SPOCK3: variants seen among roughly 807,000 people sequenced by gnomAD.
The protein encoded by SPOCK3 is testican-3.
A neutral mutation model predicts 56.6 loss-of-function variants in SPOCK3; 30 were observed. The observed-to-expected ratio is 0.53, with a 90% CI of 0.40 to 0.72. The LOEUF (loss-of-function observed/expected upper bound fraction) is 0.72. Among genes scored for constraint, SPOCK3 ranks in the 30% least tolerant of loss-of-function variants. The pLI is 0.00. For missense variants in SPOCK3, 527 were observed against 530.0 expected, an observed-to-expected ratio of 0.99 and a Z score of 0.06; for synonymous variants, 196 against 183.3, an observed-to-expected ratio of 1.07 and a Z score of -0.56.
chr4:167,130,487 T>C (rs1171169689), intron 2 of SPOCK3, among the ~76,000 whole-genome samples: 2 of 152,144 alleles, frequency 1.3e-5, no homozygotes, highest in African/African-American at 4.8e-5. Context: ...AAATTTCTGA[T>C]GGCTCATACT....
intron 4 of SPOCK3, among the ~76,000 whole-genome samples, chr4:166,966,493 C>G (rs892408120): frequency 6.6e-6 from 1 of 152,088 alleles, no homozygotes; most frequent in Non-Finnish European, 1.5e-5. Flanking sequence ...CTTCTGATTT[C>G]TTTATGCAGA....
At chr4:167,139,971 C>G (rs931677103) in intron 2 of SPOCK3, among the ~76,000 whole-genome samples, 2 of 151,810 alleles carry the variant, frequency 1.3e-5, no homozygotes, top group African/African-American at 4.8e-5. Flanking sequence ...TCTTACCCTC[C>G]TGGACATTAC....
At chr4:167,132,823 C>T (rs1410193768) in intron 2 of SPOCK3, among the ~76,000 whole-genome samples, 1 of 152,160 alleles carries the variant, frequency 6.6e-6, no homozygotes, top group Non-Finnish European at 1.5e-5. Context: ...GCATGTGTCT[C>T]ATCTGTGTGT....
At chr4:167,133,578 T>C (rs1182840988) in intron 2 of SPOCK3, among the ~76,000 whole-genome samples, 9 of 152,238 alleles carry the variant, frequency 5.9e-5, no homozygotes, top group Non-Finnish European at 4.4e-5. Context: ...GTCAGATAGA[T>C]AGCTGGGGCT....
chr4:167,116,160 A>G (rs1761308775), intron 2 of SPOCK3, among the ~76,000 whole-genome samples: 1 of 152,010 alleles, frequency 6.6e-6, no homozygotes, highest in East Asian at 1.9e-4. Flanking sequence ...TTTCACTCCT[A>G]TAAAAATACC....
At chr4:166,982,688 A>G (rs191243378) in intron 4 of SPOCK3, among the ~76,000 whole-genome samples, 41 of 152,356 alleles carry the variant, frequency 2.7e-4, no homozygotes, top group African/African-American at 9.1e-4. Context: ...GGATTTTTTT[A>G]TTATGTTTAT....
At chr4:166,884,199 A>G (rs1466101858) in intron 6 of SPOCK3, among the ~76,000 whole-genome samples, 2 of 152,020 alleles carry the variant, frequency 1.3e-5, no homozygotes, top group African/African-American at 4.8e-5. Flanking sequence ...TAAAAATACA[A>G]AAAATTAACC....
chr4:166,977,854 C>A (rs760059281), intron 4 of SPOCK3, among the ~76,000 whole-genome samples: 1 of 152,234 alleles, frequency 6.6e-6, no homozygotes, highest in Admixed American at 6.5e-5. Context: ...AGATTTGAAT[C>A]AGTATAGCAT....
At chr4:166,990,783 T>C (rs1215285978) in intron 4 of SPOCK3, among the ~76,000 whole-genome samples, 2 of 152,144 alleles carry the variant, frequency 1.3e-5, no homozygotes, top group African/African-American at 4.8e-5. Context: ...ATAGCAAGCA[T>C]CATCCCAATT....
chr4:166,979,480 CATCT>C (rs1199644385), intron 4 of SPOCK3, among the ~76,000 whole-genome samples: 3 of 152,158 alleles, frequency 2.0e-5, no homozygotes, highest in Admixed American at 2.0e-4. Context: ...TTCACTCCTC[CATCT>C]GTTTTGCTCT....
chr4:166,975,385 G>C (rs747226220), intron 4 of SPOCK3, among the ~76,000 whole-genome samples: 2 of 152,038 alleles, frequency 1.3e-5, no homozygotes, highest in African/African-American at 4.8e-5. Context: ...TGGGTACAGA[G>C]GTGGCATATA....
intron 4 of SPOCK3, among the ~76,000 whole-genome samples, chr4:166,980,018 C>T (rs987503351): frequency 6.6e-6 from 1 of 152,208 alleles, no homozygotes; most frequent in African/African-American, 2.4e-5. Context: ...CCTCACTCTT[C>T]CTTCTGTGTT....
chr4:167,160,197 A>T (rs1170882823), intron 2 of SPOCK3, among the ~76,000 whole-genome samples: 5 of 152,216 alleles, frequency 3.3e-5, no homozygotes, highest in Admixed American at 2.6e-4. Flanking sequence ...GCAAAGTCTC[A>T]GGATACAAAA....
At position 166,932,097 on chromosome 4, in the gene SPOCK3, C is replaced by A. The variant is rs138320073; in HGVS notation, c.351-19354G>T. On this transcript the variant is annotated intron_variant, in intron 4 of 10. Transcript: ENST00000357545. ...CTTTCAGAATAATGCATTTGACATG[C>A]ATATTTTAAGAATACATCCCTGAAC... is the stretch of plus-strand genomic sequence containing the variant. Among the ~76,000 whole-genome samples the A allele has an allele frequency of 4.7e-4, 71 of 152,214 alleles. 1 individual carries two copies. Among genetic ancestry groups the A allele is most frequent in the African/African-American group, 1.5e-3 (63 of 41,534 alleles).
intron 7 of SPOCK3, among the ~76,000 whole-genome samples, chr4:166,777,695 C>A (rs1005317434): frequency 2.0e-5 from 3 of 152,056 alleles, no homozygotes; most frequent in Non-Finnish European, 4.4e-5. Context: ...TATGATTGCA[C>A]CACTGCACCC....
chr4:167,223,661 A>T (rs930016275), intron 2 of SPOCK3, among the ~76,000 whole-genome samples: 1 of 151,996 alleles, frequency 6.6e-6, no homozygotes, highest in East Asian at 1.9e-4. Context: ...ATACATTTTT[A>T]AAAACTAGTC....
chr4:167,163,037 C>G lies in SPOCK3; in HGVS notation c.189+70948G>C, dbSNP rs17703393. On this transcript the variant is annotated intron_variant, in intron 2 of 10. Transcript: ENST00000357545. ...CATGTTTTATGACACATATTTGATA[C>G]TAAAACCTGTTTGAATTATATTAAA... is the stretch of plus-strand genomic sequence containing the variant. Among the ~76,000 whole-genome samples, 202 of 151,658 alleles carry G rather than the reference C, an allele frequency of 1.3e-3. 1 individual carries two copies. Among genetic ancestry groups the G allele is most frequent in the East Asian group, 0.011 (56 of 5,172 alleles).
At chr4:166,961,119 C>T (rs1327358254) in intron 4 of SPOCK3, among the ~76,000 whole-genome samples, 1 of 151,562 alleles carries the variant, frequency 6.6e-6, no homozygotes, top group Non-Finnish European at 1.5e-5. Flanking sequence ...AAGAAGAAAA[C>T]ATTTTAAAAA....
intron 3 of SPOCK3, among the ~76,000 whole-genome samples, chr4:167,010,032 C>A (rs1047685131): frequency 6.6e-6 from 1 of 151,836 alleles, no homozygotes; most frequent in Admixed American, 6.6e-5. Context: ...ATTTAACTAC[C>A]AAAGCACATT....
Sources: gnomAD v4.1 joint callset for allele counts (sites outside exome capture counted in the v4.1 genomes callset) on GRCh38, gnomAD v4.1.1 for gene constraint, MANE v1.5 for transcripts, NCBI Gene and HGNC (gene_info 2026-07-23, HGNC 2026-07-21) for gene names.